The following CTNNA3 variants were observed in gnomAD, a reference collection of about 807,000 sequenced individuals.
CTNNA3 encodes catenin alpha 3.
CTNNA3 carries 76 observed loss-of-function variants against 95.7 expected under a neutral mutation model. The ratio of observed to expected loss-of-function variants is 0.79; its 90% CI spans 0.66 to 0.96. The LOEUF (loss-of-function observed/expected upper bound fraction) is 0.96. Among genes scored for constraint, CTNNA3 ranks in the 40% least tolerant of loss-of-function variants. The probability of loss-of-function intolerance (pLI) is 0.00; values close to 1 mark genes in which losing one functional copy is unlikely to be tolerated. For synonymous variants in CTNNA3, 431 were observed against 374.4 expected (o/e 1.15, Z -1.74); for missense variants, 1,191 against 1,089.8 (o/e 1.09, Z -1.31).
At chr10:66,529,747 C>G (rs1348366708) in intron 10 of CTNNA3, among the ~76,000 whole-genome samples, 1 of 152,012 alleles carries the variant, frequency 6.6e-6, no homozygotes, top group African/African-American at 2.4e-5. Flanking sequence ...ATCAGTATCT[C>G]CAATGTGCTG....
At chr10:67,563,428 A>T (rs943916705) in intron 3 of CTNNA3, among the ~76,000 whole-genome samples, 50 of 152,224 alleles carry the variant, frequency 3.3e-4, no homozygotes, top group Middle Eastern at 3.4e-3. Flanking sequence ...CTGGGAAAAC[A>T]GGCTAGCCAT....
intron 7 of CTNNA3, among the ~76,000 whole-genome samples, chr10:66,825,274 T>C (rs1842462872): frequency 7.4e-6 from 1 of 135,940 alleles, no homozygotes. Context: ...TATATACATA[T>C]ATATATATAT....
At chr10:66,136,840 TTGAGA>T (rs2083382991) in intron 13 of CTNNA3, among the ~76,000 whole-genome samples, 1 of 152,168 alleles carries the variant, frequency 6.6e-6, no homozygotes. Flanking sequence ...TTTTTTTTTT[TTGAGA>T]TAGAGTCTCA....
intron 1 of CTNNA3, among the ~76,000 whole-genome samples, chr10:67,682,034 C>T (rs1452506449): frequency 3.3e-5 from 5 of 151,006 alleles, no homozygotes; most frequent in Non-Finnish European, 7.4e-5. Flanking sequence ...GGTGGGCACC[C>T]GTAATCGCAG....
At chr10:66,087,090 C>T (rs2081012606) in intron 14 of CTNNA3, among the ~76,000 whole-genome samples, 1 of 152,004 alleles carries the variant, frequency 6.6e-6, no homozygotes, top group Non-Finnish European at 1.5e-5. Context: ...GTGCAGGTGT[C>T]ATGGCACCAG....
chr10:66,884,858 C>T (rs1004650475), intron 7 of CTNNA3, among the ~76,000 whole-genome samples: 4 of 152,044 alleles, frequency 2.6e-5, no homozygotes, highest in African/African-American at 7.2e-5. Flanking sequence ...AGGGGATACC[C>T]GTGTGGTAGT....
intron 7 of CTNNA3, among the ~76,000 whole-genome samples, chr10:66,908,610 T>A (rs994929956): frequency 2.0e-5 from 3 of 152,236 alleles, no homozygotes; most frequent in African/African-American, 7.2e-5. Context: ...CTATCGAGCA[T>A]AAACTGAGAA....
intron 5 of CTNNA3, among the ~76,000 whole-genome samples, chr10:67,303,522 G>C (rs1441214788): frequency 6.6e-6 from 1 of 152,096 alleles, no homozygotes. Context: ...ACACACCCAA[G>C]TTTTGATAAA....
intron 7 of CTNNA3, among the ~76,000 whole-genome samples, chr10:67,078,497 AT>A (rs1188257902): frequency 6.6e-6 from 1 of 151,216 alleles, no homozygotes; most frequent in African/African-American, 2.5e-5. Flanking sequence ...TGATTTATAA[AT>A]TTTTTTCTGA....
chr10:66,555,509 G>A (rs1007038594), intron 10 of CTNNA3, among the ~76,000 whole-genome samples: 21 of 152,018 alleles, frequency 1.4e-4, no homozygotes, highest in African/African-American at 2.9e-4. Context: ...TGTGCATTCC[G>A]TATTTTATCT....
At chr10:67,605,891 G>A (rs1397394704) in intron 3 of CTNNA3, among the ~76,000 whole-genome samples, 1 of 152,126 alleles carries the variant, frequency 6.6e-6, no homozygotes, top group Non-Finnish European at 1.5e-5. Flanking sequence ...GGCTGGTCTT[G>A]AACTCCTGAC....
chr10:67,439,329 T>G (rs549938449), intron 5 of CTNNA3, among the ~76,000 whole-genome samples: 2 of 152,256 alleles, frequency 1.3e-5, no homozygotes, highest in South Asian at 2.1e-4. Flanking sequence ...TGGCTCATGG[T>G]TCTGCCAATC....
At chr10:67,400,935 A>G (rs1844892662) in intron 5 of CTNNA3, among the ~76,000 whole-genome samples, 1 of 152,202 alleles carries the variant, frequency 6.6e-6, no homozygotes, top group African/African-American at 2.4e-5. Context: ...GTCATCCTCA[A>G]ATGTGAGTGC....
intron 6 of CTNNA3, among the ~76,000 whole-genome samples, chr10:67,196,235 T>TA (rs996252989): frequency 9.9e-5 from 15 of 152,036 alleles, no homozygotes; most frequent in Admixed American, 3.9e-4. Context: ...GCTTTAGATA[T>TA]AAAAAAAATT....
chr10:67,026,583 C>T (rs924288240), intron 7 of CTNNA3, among the ~76,000 whole-genome samples: 3 of 151,982 alleles, frequency 2.0e-5, no homozygotes, highest in African/African-American at 4.8e-5. Context: ...ATATATTAGT[C>T]AAAATTATCT....
rs568041801 is a variant in CTNNA3, at chr10:67,546,861, G to T, written c.293-7192C>A. On this transcript the variant is annotated intron_variant, in intron 3 of 17. Coordinates refer to ENST00000433211, the MANE Select transcript of CTNNA3 (RefSeq NM_013266.4). ...GGCTAAATGTAGTAAGCTTAGCCAT[G>T]AATACACTTAAATTATACTATGATG... is the stretch of plus-strand genomic sequence containing the variant. Among the ~76,000 whole-genome samples, 3 of 152,202 alleles carry T rather than the reference G, an allele frequency of 2.0e-5. No homozygotes were observed. In the East Asian group the frequency reaches 5.8e-4, roughly 29 times the overall value.
rs2078839261 is a variant in CTNNA3, at chr10:66,004,476, G to T, written c.2160-15679C>A. 2.0e-5 allele frequency among the ~76,000 whole-genome samples: 3 copies of T among 152,030 alleles called. No individual in the cohort carries two copies. The South Asian group carries it at 6.2e-4, about 32-fold the overall frequency. ...GTTTTCTCCCCCAGTTGGACTTTTG[G>T]TTCATAGAGACATGTAACCTAGTTG... is the stretch of plus-strand genomic sequence containing the variant. On this transcript the variant is annotated intron_variant, in intron 15 of 17. Transcript: ENST00000433211.
intron 11 of CTNNA3, among the ~76,000 whole-genome samples, chr10:66,463,727 G>C (rs1004767986): frequency 2.0e-5 from 3 of 151,982 alleles, no homozygotes; most frequent in African/African-American, 2.4e-5. Flanking sequence ...TATACTGATA[G>C]GGCAGATCAG....
chr10:66,244,773 T>C (rs1278222713), intron 13 of CTNNA3, among the ~76,000 whole-genome samples: 2 of 152,096 alleles, frequency 1.3e-5, no homozygotes, highest in Non-Finnish European at 2.9e-5. Context: ...GAAAGATGGG[T>C]ACACACAAGG....
Sources: gnomAD v4.1 joint callset for allele counts (sites outside exome capture counted in the v4.1 genomes callset) on GRCh38, gnomAD v4.1.1 for gene constraint, MANE v1.5 for transcripts, NCBI Gene and HGNC (gene_info 2026-07-23, HGNC 2026-07-21) for gene names.